The following TG variants were observed in gnomAD, a reference collection of about 807,000 sequenced individuals.
The protein encoded by TG is thyroid hormones.
Under a neutral mutation model 324.7 loss-of-function variants are expected in TG, and 270 were observed. That is an observed-to-expected ratio of 0.83 (90% CI 0.75 to 0.92). The LOEUF (loss-of-function observed/expected upper bound fraction) is 0.92. Among genes scored for constraint, TG ranks in the 40% least tolerant of loss-of-function variants. The pLI is 0.00. For synonymous variants in TG, 1,401 were observed against 1,327.0 expected, an observed-to-expected ratio of 1.06 and a Z score of -1.21; for missense variants, 3,591 against 3,456.4, an observed-to-expected ratio of 1.04 and a Z score of -0.98.
At chr8:133,055,357 GCACGCGCGCACACACACA>G (rs1564126257) in intron 41 of TG, among the ~76,000 whole-genome samples, 1 of 59,894 alleles carries the variant, frequency 1.7e-5, no homozygotes. Context: ...ACACACACAC[GCACGCGCGCACACACACA>G]CACACACACA....
chr8:132,941,587 C>T, intron 26 of TG, 45 bp downstream of exon 26: 1 of 1,610,662 alleles, frequency 6.2e-7, no homozygotes, highest in Non-Finnish European at 8.5e-7. Flanking sequence ...GGATGGGGAG[C>T]ACACAGGGAT....
At chr8:132,946,314 T>C (rs2130026537) in intron 26 of TG, among the ~76,000 whole-genome samples, 1 of 152,336 alleles carries the variant, frequency 6.6e-6, no homozygotes, top group African/African-American at 2.4e-5. Context: ...TTTTCCATGA[T>C]ATTTCTGGCT....
intron 45 of TG, 103 bp downstream of exon 45, chr8:133,116,819 C>A (rs1850733496): frequency 2.2e-6 from 2 of 923,956 alleles, no homozygotes; most frequent in Admixed American, 1.9e-5. Flanking sequence ...GCCTCAGTTT[C>A]CTCATCTGAG....
chr8:132,926,119 G>A (rs1017093714), intron 22 of TG, among the ~76,000 whole-genome samples: 3 of 152,204 alleles, frequency 2.0e-5, no homozygotes, highest in Admixed American at 6.5e-5. Flanking sequence ...CCTTTGAGAG[G>A]AACTTTCTCT....
At chr8:132,872,746 A>G (rs1394531140) in intron 4 of TG, among the ~76,000 whole-genome samples, 1 of 152,124 alleles carries the variant, frequency 6.6e-6, no homozygotes, top group Non-Finnish European at 1.5e-5. Flanking sequence ...TACCGTTTCT[A>G]TGCTTAGGTA....
At chr8:133,133,691 C>T in intron 47 of TG, 31 bp downstream of exon 47, 1 of 1,604,424 alleles carries the variant, frequency 6.2e-7, no homozygotes, top group Non-Finnish European at 8.5e-7. Flanking sequence ...GTGGAGGGAG[C>T]TGGGTGTTGA....
chr8:132,893,125 GGT>G lies in TG; in HGVS notation c.2762-555_2762-554del, dbSNP rs1344029585. Among the ~76,000 whole-genome samples, 15 of 140,372 alleles carry G rather than the reference GGT, an allele frequency of 1.1e-4. 1 individual carries two copies. The South Asian group carries it at 3.1e-3, about 29-fold the overall frequency. 92.1% of individuals were successfully genotyped at this position (140,372 alleles called of 152,430 possible). A position where few individuals can be genotyped will look rare whatever the true frequency, so the allele number is the denominator to read the frequency against. ...GTATGTGTGTGGTATATGTGTGGAG[GGT>G]GTGTGTGTGGTGTGTATTTGTGTGT... is the stretch of plus-strand genomic sequence containing the variant. On this transcript the variant is annotated intron_variant, in intron 10 of 47. Coordinates refer to ENST00000220616, the MANE Select transcript of TG (RefSeq NM_003235.5).
intron 28 of TG, 128 bp from the exon 29 acceptor site, chr8:132,962,866 T>A: frequency 1.2e-6 from 1 of 818,246 alleles, no homozygotes; most frequent in Non-Finnish European, 2.2e-6. Flanking sequence ...GGGCATCTGT[T>A]GCAGATCTTC....
At chr8:133,113,275 G>C (rs1202530526) in intron 43 of TG, 147 bp from the exon 44 acceptor site, 9 of 874,398 alleles carry the variant, frequency 1.0e-5, no homozygotes, top group Non-Finnish European at 1.6e-5. Flanking sequence ...GCTGGGATTC[G>C]AACTCAGACA....
At chr8:132,935,643 C>G in intron 24 of TG, 113 bp from the exon 25 acceptor site, 2 of 932,854 alleles carry the variant, frequency 2.1e-6, no homozygotes, top group Non-Finnish European at 3.4e-6. Flanking sequence ...CCAGGAGCAA[C>G]TAACTTACCT....
At chr8:133,052,820 T>C (rs1486275147) in intron 41 of TG, among the ~76,000 whole-genome samples, 2 of 152,230 alleles carry the variant, frequency 1.3e-5, no homozygotes, top group Non-Finnish European at 2.9e-5. Context: ...TTTGTTTGGC[T>C]TCCTGGCAAA....
At chr8:132,930,858 CAGTT>C (rs1023623205) in intron 23 of TG, among the ~76,000 whole-genome samples, 15 of 152,128 alleles carry the variant, frequency 9.9e-5, no homozygotes, top group African/African-American at 3.6e-4. Flanking sequence ...AAACAGACAA[CAGTT>C]AGAAAAAAGA....
At chr8:133,052,159 G>T (rs1035230294) in intron 41 of TG, among the ~76,000 whole-genome samples, 2 of 152,218 alleles carry the variant, frequency 1.3e-5, no homozygotes, top group Admixed American at 1.3e-4. Flanking sequence ...ATGTCTTGCA[G>T]CCTCCGAGTC....
chr8:133,096,250 C>G lies in TG; in HGVS notation c.7449C>G (p.Ile2483Met). 6.2e-7 allele frequency: 1 copy of G among 1,614,202 alleles called. No homozygotes were observed. The highest frequency in any genetic ancestry group is 8.5e-7 in the Non-Finnish European group (1 of 1,180,044). Residue 2483 changes from isoleucine (I) to methionine (M), a missense_variant, in exon 43 of 48, where the codon ATC (isoleucine) becomes ATG (methionine). Coordinates refer to ENST00000220616, the MANE Select transcript of TG (RefSeq NM_003235.5). ...CTTTCCACTACTGGGGTCCTGTGAT[C>G]GATGGCCACTTCCTCCGTGAGCCTC... Reference protein sequence around the residue: ...SGPFHYWGPVIDGHFLREPPA... With the variant: ...SGPFHYWGPVMDGHFLREPPA...
intron 35 of TG, among the ~76,000 whole-genome samples, chr8:132,999,842 T>C (rs1405235709): frequency 1.3e-5 from 2 of 152,178 alleles, no homozygotes; most frequent in Non-Finnish European, 2.9e-5. Context: ...AAGGCTTACA[T>C]TGTCTCTGTC....
intron 2 of TG, 84 bp downstream of exon 2, chr8:132,868,307 T>G: frequency 2.6e-4 from 280 of 1,093,506 alleles, no homozygotes; most frequent in Non-Finnish European, 3.3e-4. Flanking sequence ...TCCTGAGCTC[T>G]GCCCTGCAAC....
chr8:133,034,595 T>C (rs1352111965), intron 41 of TG, among the ~76,000 whole-genome samples: 3 of 152,120 alleles, frequency 2.0e-5, no homozygotes, highest in Admixed American at 6.5e-5. Context: ...AAATGCTCAA[T>C]TGATATAAGG....
At chr8:133,042,678 C>CTTTTT (rs58739514) in intron 41 of TG, among the ~76,000 whole-genome samples, 1,435 of 56,618 alleles carry the variant, frequency 0.025, 156 homozygotes, top group Non-Finnish European at 0.031. Flanking sequence ...CATTCTGTGT[C>CTTTTT]TTTTTTTTTT....
At chr8:133,085,806 T>A (rs755200734) in intron 41 of TG, among the ~76,000 whole-genome samples, 10 of 152,210 alleles carry the variant, frequency 6.6e-5, no homozygotes, top group Non-Finnish European at 1.3e-4. Context: ...GACAAACAGT[T>A]TGGCAACTTC....
Sources: allele counts gnomAD v4.1 joint callset (sites outside exome capture counted in the v4.1 genomes callset), GRCh38; gene constraint gnomAD v4.1.1; transcripts MANE v1.5; gene names NCBI Gene and HGNC (gene_info 2026-07-23, HGNC 2026-07-21).